TMC3: variants seen among roughly 807,000 people sequenced by gnomAD.
The protein encoded by TMC3 is transmembrane channel like 3, also known as transmembrane channel-like protein 3.
In TMC3, 98 loss-of-function variants were observed where a neutral mutation model predicts 110.6. That is an observed-to-expected ratio of 0.89 (90% CI 0.75 to 1.05). The LOEUF (loss-of-function observed/expected upper bound fraction) is 1.05. Among genes scored for constraint, TMC3 ranks in the 50% least tolerant of loss-of-function variants. The pLI is 0.00. For synonymous variants in TMC3, 489 were observed against 513.1 expected (o/e 0.95, Z 0.63); for missense variants, 1,319 against 1,373.2 (o/e 0.96, Z 0.62).
intron 3 of TMC3, among the ~76,000 whole-genome samples, chr15:81,363,147 C>A: frequency 6.6e-6 from 1 of 151,776 alleles, no homozygotes; most frequent in East Asian, 1.9e-4. Flanking sequence ...CCCAGCTACT[C>A]TACTGAGGCA....
At chr15:81,336,995 CT>C (rs1893610686) in intron 19 of TMC3, among the ~76,000 whole-genome samples, 1 of 151,856 alleles carries the variant, frequency 6.6e-6, no homozygotes, top group Admixed American at 6.6e-5. Flanking sequence ...CCAAAATGGC[CT>C]TTGTAACTCC....
At position 81,336,985 on chromosome 15, in the gene TMC3, C is replaced by T. The variant is rs145853627; in HGVS notation, c.2161-334G>A. ...ACAACACTGGAGATGTATGTTTCCA[C>T]CAAAATGGCCTTTGTAACTCCAAAT... is the stretch of plus-strand genomic sequence containing the variant. On this transcript the variant is annotated intron_variant, in intron 19 of 21. Coordinates refer to ENST00000359440, the MANE Select transcript of TMC3 (RefSeq NM_001080532.3). Among the ~76,000 whole-genome samples, 1,139 of 152,148 alleles carry T rather than the reference C, an allele frequency of 7.5e-3. 6 individuals carry two copies. The highest frequency in any genetic ancestry group is 0.013 in the Non-Finnish European group (874 of 67,996).
At chr15:81,352,374 G>C (rs1893969792) in intron 9 of TMC3, among the ~76,000 whole-genome samples, 1 of 152,130 alleles carries the variant, frequency 6.6e-6, no homozygotes, top group Admixed American at 6.5e-5. Flanking sequence ...AGATTATATT[G>C]GAGCTGAAAA....
intron 7 of TMC3, 73 bp downstream of exon 7, chr15:81,358,076 A>C (rs967903462): frequency 5.6e-6 from 8 of 1,441,192 alleles, no homozygotes; most frequent in Admixed American, 2.8e-5. Context: ...AGAATGATGA[A>C]GCTGTAAGAA....
chr15:81,348,961 C>T (rs1228325068), intron 11 of TMC3, among the ~76,000 whole-genome samples: 6 of 152,104 alleles, frequency 3.9e-5, no homozygotes, highest in African/African-American at 1.4e-4. Flanking sequence ...TATAGGCATG[C>T]GCCACCACGC....
chr15:81,338,055 C>A, intron 18 of TMC3, 131 bp from the exon 19 acceptor site: 1 of 696,662 alleles, frequency 1.4e-6, no homozygotes, highest in South Asian at 1.6e-5. Context: ...ACTGACCCTC[C>A]GCTAAGGACA....
At chr15:81,372,500 T>G in intron 2 of TMC3, 91 bp downstream of exon 2, 3 of 1,513,794 alleles carry the variant, frequency 2.0e-6, no homozygotes, top group East Asian at 4.5e-5. Context: ...CTCTCTCACA[T>G]GAGTCTTTAT....
At chr15:81,358,371 A>G (rs2141716946) in intron 6 of TMC3, 31 bp downstream of exon 6, 1 of 1,606,604 alleles carries the variant, frequency 6.2e-7, no homozygotes, top group Non-Finnish European at 8.5e-7. Flanking sequence ...CCTTCCCTCA[A>G]GACAAGAGTG....
In TMC3 at chr15:81,341,452, G is replaced by T; in HGVS notation, c.1782C>A (p.Tyr594Ter). The T allele has an allele frequency of 6.2e-7, 1 of 1,611,746 alleles. No homozygotes were observed. The highest frequency in any genetic ancestry group is 8.5e-7 in the Non-Finnish European group (1 of 1,178,898). Residue 594 changes from tyrosine to a stop codon, truncating the protein, a stop_gained, in exon 16 of 22, where the codon TAC (tyrosine) becomes TAA (stop). Transcript: ENST00000359440. LOFTEE classifies it high-confidence loss of function. Reference protein sequence around the residue: ...FNVLKLIGLMYLRSWAVLTCN... With the variant: ...FNVLKLIGLM ...AGGTCAGCACAGCCCAGCTTCTCAG[G>T]TACATGAGCCCAATGAGTTTGAGAA...
In TMC3 at chr15:81,372,832, CCCTAGGGT is replaced by C; in HGVS notation, c.90-103_90-96del. On this transcript the variant is annotated intron_variant, in intron 1 of 21. Transcript: ENST00000359440. ...TGGGCACAAGTTCAGCATCTCACTG[CCCTAGGGT>C]CATCTGTATGAAATGTGTATGTGTT... 3 of 1,278,352 alleles carry C rather than the reference CCCTAGGGT, an allele frequency of 2.3e-6. No homozygotes were observed. The African/African-American group carries it at 4.4e-5, about 19-fold the overall frequency. The allele number at this position is 1,278,352 out of a possible 1,614,324, so 79.2% of individuals were successfully genotyped here. A position where few individuals can be genotyped will look rare whatever the true frequency, so the allele number is the denominator to read the frequency against.
Position 81,334,789 on chromosome 15 carries a change from G to A in TMC3, c.2390C>T (p.Pro797Leu), listed in dbSNP as rs778552026. 2 of 1,614,050 alleles carry A rather than the reference G, an allele frequency of 1.2e-6. No homozygotes were observed. The highest frequency in any genetic ancestry group is 1.7e-6 in the Non-Finnish European group (2 of 1,179,900). ...AGGTGAGCTAGGAGCCCTGTCCCCTGGCCTCGGGCTCTGGGGCATGGACTG... is the reference window on the plus strand; with the variant it reads ...AGGTGAGCTAGGAGCCCTGTCCCCTAGCCTCGGGCTCTGGGGCATGGACTG... ...VAQSMPQSPRPGDRAPSSPLP... is the reference protein window; with the variant it reads ...VAQSMPQSPRLGDRAPSSPLP... Residue 797 changes from proline (P) to leucine (L), a missense_variant, in exon 21 of 22, where the codon CCA becomes CTA. Coordinates refer to ENST00000359440, the MANE Select transcript of TMC3 (RefSeq NM_001080532.3).
Position 81,344,049 on chromosome 15 carries a change from A to C in TMC3, c.1519-4T>G. Reference sequence around the variant, plus strand: ...TGATGGAGAGCTTCAGCATCTCCTGAAACACAGGGCGTCCCTGGATGCCAC... The same window carrying C: ...TGATGGAGAGCTTCAGCATCTCCTGCAACACAGGGCGTCCCTGGATGCCAC... On this transcript the variant is annotated splice_region_variant and splice_polypyrimidine_tract_variant and intron_variant, in intron 13 of 21. Coordinates refer to ENST00000359440, the MANE Select transcript of TMC3 (RefSeq NM_001080532.3). The C allele has an allele frequency of 6.2e-7, 1 of 1,606,314 alleles. No homozygotes were observed. Among genetic ancestry groups the C allele is most frequent in the East Asian group, 2.2e-5 (1 of 44,710 alleles).
Position 81,332,447 on chromosome 15 carries a change from A to G in TMC3, c.3275T>C (p.Leu1092Pro), listed in dbSNP as rs1893481701. 1.9e-6 allele frequency: 3 copies of G among 1,610,244 alleles called. No homozygotes were observed. Among genetic ancestry groups the G allele is most frequent in the Admixed American group, 1.7e-5 (1 of 59,710 alleles). ...GACATCTGAACAAATCAAGTCATCCAGATCCACGGTCAGCTCCTGCCCCGA... is the reference window on the plus strand; with the variant it reads ...GACATCTGAACAAATCAAGTCATCCGGATCCACGGTCAGCTCCTGCCCCGA... ...AKSGQELTVDLDDLICSDV is the reference protein window; with the variant it reads ...AKSGQELTVDPDDLICSDV Residue 1092 changes from leucine (L) to proline (P), a missense_variant, in exon 22 of 22, where the codon CTG becomes CCG. Transcript: ENST00000359440.
chr15:81,335,008 G>C (rs373789776), intron 20 of TMC3, 33 bp from the exon 21 acceptor site: 521 of 1,607,298 alleles, frequency 3.2e-4, no homozygotes, highest in African/African-American at 1.3e-3. Flanking sequence ...TGAGAAGACA[G>C]GTGTCACTGA....
chr15:81,372,832 C>T (rs1022707567), intron 1 of TMC3, 95 bp from the exon 2 acceptor site: 16 of 1,278,352 alleles, frequency 1.3e-5, no homozygotes, highest in Admixed American at 4.0e-5. Flanking sequence ...CATCTCACTG[C>T]CCTAGGGTCA....
chr15:81,349,570 G>A lies in TMC3; in HGVS notation c.1084-3C>T, dbSNP rs918890473. Reference sequence around the variant, plus strand: ...ACGAGGGAGACCACCACACTGACCTGCTGAGAGAGCACATGCCAGAGCCAG... The same window carrying A: ...ACGAGGGAGACCACCACACTGACCTACTGAGAGAGCACATGCCAGAGCCAG... On this transcript the variant is annotated splice_region_variant and splice_polypyrimidine_tract_variant and intron_variant, in intron 10 of 21. Coordinates refer to ENST00000359440, the MANE Select transcript of TMC3 (RefSeq NM_001080532.3). 3 of 1,476,346 alleles carry A rather than the reference G, an allele frequency of 2.0e-6. No homozygotes were observed. In the African/African-American group the frequency reaches 4.3e-5, roughly 21 times the overall value. 91.5% of individuals were successfully genotyped at this position (1,476,346 alleles called of 1,614,324 possible).
chr15:81,338,506 G>T, intron 18 of TMC3, 149 bp downstream of exon 18: 1 of 1,061,868 alleles, frequency 9.4e-7, no homozygotes, highest in Non-Finnish European at 1.3e-6. Flanking sequence ...TCTGGTGTGT[G>T]ACTCAGAGTC....
chr15:81,355,390 T>C (rs1894037538), intron 9 of TMC3, among the ~76,000 whole-genome samples: 1 of 152,210 alleles, frequency 6.6e-6, no homozygotes, highest in Admixed American at 6.6e-5. Flanking sequence ...ATAATATTTG[T>C]GTCTTATGAC....
At chr15:81,336,770 G>T in intron 19 of TMC3, 119 bp from the exon 20 acceptor site, 1 of 1,033,944 alleles carries the variant, frequency 9.7e-7, no homozygotes, top group Non-Finnish European at 1.5e-6. Flanking sequence ...GACCATAACT[G>T]TACTACTATT....
Sources: gnomAD v4.1 joint callset for allele counts (sites outside exome capture counted in the v4.1 genomes callset) on GRCh38, gnomAD v4.1.1 for gene constraint, MANE v1.5 for transcripts, NCBI Gene and HGNC (gene_info 2026-07-23, HGNC 2026-07-21) for gene names.